The following AIM2 variants were observed in gnomAD, a reference collection of about 807,000 sequenced individuals.
AIM2 encodes the protein interferon-inducible protein AIM2.
Under a neutral mutation model 27.7 loss-of-function variants are expected in AIM2, and 30 were observed. The ratio of observed to expected loss-of-function variants is 1.08; its 90% CI spans 0.81 to 1.47. AIM2 has a LOEUF of 1.47. Ranked by LOEUF, AIM2 falls within the 40% of genes most tolerant of loss-of-function variation. AIM2 has a pLI of 0.00. For missense variants in AIM2, 358 were observed against 411.3 expected, an observed-to-expected ratio of 0.87 and a Z score of 1.12; for synonymous variants, 141 against 145.3, an observed-to-expected ratio of 0.97 and a Z score of 0.21.
Position 159,063,694 on chromosome 1 carries a change from C to G in AIM2, c.817-20G>C, listed in dbSNP as rs746336681. 6 of 1,606,424 alleles carry G rather than the reference C, an allele frequency of 3.7e-6. No individual in the cohort carries two copies. The East Asian group carries it at 1.3e-4, about 36-fold the overall frequency. Reference sequence around the variant, plus strand: ...TGTTACCTATAAAAGAAAATCAACACCCAGCCTCTGATAATCGGATTAATG... The same window carrying G: ...TGTTACCTATAAAAGAAAATCAACAGCCAGCCTCTGATAATCGGATTAATG... On this transcript the variant is annotated intron_variant, in intron 4 of 5. Transcript: ENST00000368130.
chr1:159,089,004 C>G (rs977939277), intron 1 of AIM2, among the ~76,000 whole-genome samples: 1 of 152,200 alleles, frequency 6.6e-6, no homozygotes, highest in Non-Finnish European at 1.5e-5. Flanking sequence ...TCCATTTTCA[C>G]ATTTTAACTT....
intron 1 of AIM2, among the ~76,000 whole-genome samples, chr1:159,117,498 T>A (rs1201034778): frequency 6.6e-6 from 1 of 152,152 alleles, no homozygotes; most frequent in Non-Finnish European, 1.5e-5. Flanking sequence ...GGCTATCCAG[T>A]AATATATGGT....
At chr1:159,060,619 C>T (rs1655802336), downstream of AIM2, among the ~76,000 whole-genome samples, 2 of 152,286 alleles carry the variant, frequency 1.3e-5, no homozygotes, top group East Asian at 1.9e-4. Flanking sequence ...TACTTTTGCC[C>T]TTTATGGAAT....
chr1:159,116,358 A>G (rs1412444284), intron 1 of AIM2, among the ~76,000 whole-genome samples: 1 of 152,262 alleles, frequency 6.6e-6, no homozygotes, highest in Admixed American at 6.5e-5. Context: ...ATTATAAATC[A>G]TGCTGCTATA....
At chr1:159,133,226 C>G (rs1647940459) in intron 1 of AIM2, among the ~76,000 whole-genome samples, 1 of 151,962 alleles carries the variant, frequency 6.6e-6, no homozygotes, top group Non-Finnish European at 1.5e-5. Flanking sequence ...TTCCCAATAG[C>G]TTTCACAGAA....
intron 2 of AIM2, 113 bp from the exon 3 acceptor site, chr1:159,068,814 C>T (rs1337165988): frequency 9.1e-7 from 1 of 1,098,300 alleles, no homozygotes; most frequent in Non-Finnish European, 1.3e-6. Context: ...TCTTCAAGAA[C>T]AGCTAATTTT....
chr1:159,074,058 A>C (rs1570947333), intron 1 of AIM2, among the ~76,000 whole-genome samples: 1 of 152,154 alleles, frequency 6.6e-6, no homozygotes, highest in Non-Finnish European at 1.5e-5. Context: ...AACAACAACA[A>C]CAACAAAAAG....
intron 1 of AIM2, among the ~76,000 whole-genome samples, chr1:159,114,756 C>T (rs1647285905): frequency 6.6e-6 from 1 of 152,122 alleles, no homozygotes. Context: ...GGAAGCATTC[C>T]CTTTGAAAAC....
upstream of AIM2, among the ~76,000 whole-genome samples, chr1:159,140,879 A>G (rs894980681): frequency 6.6e-6 from 1 of 152,230 alleles, no homozygotes; most frequent in South Asian, 2.1e-4. Context: ...CAACACTTGA[A>G]GTCTGTCCTA....
At chr1:159,142,979 C>T (rs2102061124), upstream of AIM2, among the ~76,000 whole-genome samples, 1 of 152,328 alleles carries the variant, frequency 6.6e-6, no homozygotes, top group African/African-American at 2.4e-5. Flanking sequence ...ATCCCTCCTT[C>T]TCCCTCACTG....
chr1:159,135,511 T>C (rs546496675), intron 1 of AIM2, among the ~76,000 whole-genome samples: 1 of 152,288 alleles, frequency 6.6e-6, no homozygotes, highest in East Asian at 1.9e-4. Flanking sequence ...TACAGGCCAC[T>C]TGAGGCCCGG....
chr1:159,066,879 T>A (rs767495855), intron 3 of AIM2, among the ~76,000 whole-genome samples: 4 of 152,222 alleles, frequency 2.6e-5, no homozygotes, highest in Non-Finnish European at 5.9e-5. Flanking sequence ...AGAGATCTTA[T>A]GAGTGAGTTA....
chr1:159,072,040 C>G (rs896963882), intron 2 of AIM2, among the ~76,000 whole-genome samples: 2 of 152,142 alleles, frequency 1.3e-5, no homozygotes, highest in Admixed American at 6.5e-5. Flanking sequence ...TGATTTATTA[C>G]CAAAATAAAA....
At chr1:159,063,247 T>G (rs923235031) in intron 5 of AIM2, among the ~76,000 whole-genome samples, 1 of 152,236 alleles carries the variant, frequency 6.6e-6, no homozygotes, top group African/African-American at 2.4e-5. Flanking sequence ...AGCTCTTTTT[T>G]GGGCTCTGTG....
At chr1:159,077,435 T>C (rs534091764), upstream of AIM2, among the ~76,000 whole-genome samples, 9 of 152,354 alleles carry the variant, frequency 5.9e-5, no homozygotes, top group South Asian at 2.1e-4. Flanking sequence ...AGTTTTATGA[T>C]ATTAAGGGCA....
At chr1:159,095,656 C>A (rs967894760) in intron 1 of AIM2, among the ~76,000 whole-genome samples, 4 of 152,004 alleles carry the variant, frequency 2.6e-5, no homozygotes, top group African/African-American at 9.7e-5. Flanking sequence ...TTTTAAGGTA[C>A]CACGTTTGTC....
At chr1:159,058,560 C>T (rs901125487), downstream of AIM2, among the ~76,000 whole-genome samples, 1 of 151,932 alleles carries the variant, frequency 6.6e-6, no homozygotes, top group Non-Finnish European at 1.5e-5. Flanking sequence ...GGAGACAGGT[C>T]GACCATCCCA....
intron 1 of AIM2, among the ~76,000 whole-genome samples, chr1:159,126,734 G>A (rs1247875676): frequency 6.6e-6 from 1 of 151,646 alleles, no homozygotes; most frequent in Non-Finnish European, 1.5e-5. Context: ...TATAAACTAT[G>A]ACTCAGCAAT....
intron 2 of AIM2, among the ~76,000 whole-genome samples, chr1:159,072,770 G>C (rs1380230245): frequency 2.0e-5 from 3 of 152,198 alleles, no homozygotes; most frequent in Non-Finnish European, 4.4e-5. Context: ...GAAAGCTGGG[G>C]ACAAGGAGAG....
Sources: allele counts gnomAD v4.1 joint callset (sites outside exome capture counted in the v4.1 genomes callset), GRCh38; gene constraint gnomAD v4.1.1; transcripts MANE v1.5; gene names NCBI Gene and HGNC (gene_info 2026-07-23, HGNC 2026-07-21).